CD80: variants seen among roughly 807,000 people sequenced by gnomAD.
CD80 encodes CD80 molecule.
In CD80, 13 loss-of-function variants were observed where a neutral mutation model predicts 27.1. The ratio of observed to expected loss-of-function variants is 0.48; its 90% CI spans 0.31 to 0.76. The LOEUF is 0.76. Ranked by LOEUF, CD80 falls within the 30% of genes least tolerant of loss-of-function variation. The pLI, the probability that CD80 is intolerant of heterozygous loss-of-function variation, is 0.04. For missense variants in CD80, 277 were observed against 347.9 expected (o/e 0.80, Z 1.62); for synonymous variants, 125 against 125.5 (o/e 1.00, Z 0.03).
intron 2 of CD80, among the ~76,000 whole-genome samples, chr3:119,550,439 C>T (rs1255792368): frequency 1.3e-5 from 2 of 152,150 alleles, no homozygotes; most frequent in African/African-American, 2.4e-5. Context: ...AAAAGAGGAA[C>T]CCAAAATCTT....
At chr3:119,553,381 C>G (rs2082244973) in intron 2 of CD80, among the ~76,000 whole-genome samples, 1 of 152,122 alleles carries the variant, frequency 6.6e-6, no homozygotes, top group Admixed American at 6.6e-5. Context: ...CTCAGGTGAT[C>G]CACCCATCTC....
intron 2 of CD80, among the ~76,000 whole-genome samples, chr3:119,551,040 T>C (rs1198375416): frequency 1.3e-5 from 2 of 152,236 alleles, no homozygotes; most frequent in Non-Finnish European, 2.9e-5. Flanking sequence ...TATTTACAGG[T>C]ATATGTGATA....
At chr3:119,525,902 T>TA (rs2082063556) in intron 6 of CD80, among the ~76,000 whole-genome samples, 153 bp from the exon 7 acceptor site, 1 of 148,316 alleles carries the variant, frequency 6.7e-6, no homozygotes, top group African/African-American at 2.4e-5. Context: ...TATATATATA[T>TA]ATTTTAAATA....
chr3:119,547,707 G>A (rs1381619528), intron 2 of CD80, among the ~76,000 whole-genome samples: 2 of 152,146 alleles, frequency 1.3e-5, no homozygotes, highest in Non-Finnish European at 2.9e-5. Flanking sequence ...GTAGAACCGG[G>A]TTGTCACTTC....
At chr3:119,526,230 A>G (rs1268260891) in intron 6 of CD80, among the ~76,000 whole-genome samples, 1 of 152,194 alleles carries the variant, frequency 6.6e-6, no homozygotes, top group Non-Finnish European at 1.5e-5. Context: ...GTACATGAAA[A>G]TCAACCTATG....
chr3:119,551,477 G>A (rs1391380458), intron 2 of CD80, among the ~76,000 whole-genome samples: 1 of 152,108 alleles, frequency 6.6e-6, no homozygotes, highest in Non-Finnish European at 1.5e-5. Flanking sequence ...TATAAAGGAT[G>A]GTTTTGGCCT....
At chr3:119,549,670 C>A (rs1273580998) in intron 2 of CD80, among the ~76,000 whole-genome samples, 1 of 152,168 alleles carries the variant, frequency 6.6e-6, no homozygotes, top group Non-Finnish European at 1.5e-5. Context: ...CAGCACTGAA[C>A]AAGAGAGTTT....
rs199861577 is a variant in CD80 at position 119,544,626 on chromosome 3, G to A, written c.342C>T (p.Tyr114=). 38 of 1,614,164 alleles carry A rather than the reference G, an allele frequency of 2.4e-5. No individual in the cohort carries two copies. The highest frequency in any genetic ancestry group is 5.3e-5 in the African/African-American group (4 of 75,044). Residue 114 remains tyrosine, a synonymous_variant, in exon 3 of 7, where the codon TAC becomes TAT. Coordinates refer to ENST00000264246, the MANE Select transcript of CD80 (RefSeq NM_005191.4). The part of the protein sequence containing the change: ...LALRPSDEGT[Y]ECVVLKYEKD... ...TTTCATACTTCAGAACAACACACTC[G>A]TATGTGCCCTCGTCAGATGGGCGCA...
At chr3:119,556,188 G>A (rs903905741) in intron 2 of CD80, among the ~76,000 whole-genome samples, 3 of 152,160 alleles carry the variant, frequency 2.0e-5, no homozygotes, top group Admixed American at 1.3e-4. Context: ...GTAAAACCAG[G>A]ATGTAGCTAG....
At chr3:119,554,432 C>T (rs958607308) in intron 2 of CD80, among the ~76,000 whole-genome samples, 4 of 152,316 alleles carry the variant, frequency 2.6e-5, no homozygotes, top group Non-Finnish European at 4.4e-5. Flanking sequence ...AAAAGCTGCC[C>T]ACATTGGTCC....
intron 3 of CD80, among the ~76,000 whole-genome samples, chr3:119,538,009 A>G (rs1425404481): frequency 6.6e-6 from 1 of 152,190 alleles, no homozygotes; most frequent in African/African-American, 2.4e-5. Context: ...AGTACTTGCA[A>G]TTGTAAGAGA....
intron 3 of CD80, among the ~76,000 whole-genome samples, chr3:119,541,070 A>T (rs557028802): frequency 6.6e-6 from 1 of 152,162 alleles, no homozygotes; most frequent in Admixed American, 6.5e-5. Context: ...AAAGTTTCAA[A>T]ATCTTTCTTG....
chr3:119,525,988 C>T (rs1473917399), intron 6 of CD80, among the ~76,000 whole-genome samples: 1 of 151,562 alleles, frequency 6.6e-6, no homozygotes, highest in Non-Finnish European at 1.5e-5. Context: ...TACACAGTAA[C>T]CTTGATAGCT....
Position 119,552,929 on chromosome 3 carries a change from A to G in CD80, c.100+4700T>C, listed in dbSNP as rs374514136. ...GCAAATTCATAGAGACAGAGAGTAA[A>G]TTAGTGGTTACGAGGAGATGGGGTA... On this transcript the variant is annotated intron_variant, in intron 2 of 6. Coordinates refer to ENST00000264246, the MANE Select transcript of CD80 (RefSeq NM_005191.4). 7.2e-5 allele frequency among the ~76,000 whole-genome samples: 11 copies of G among 152,180 alleles called. 1 individual carries two copies. The East Asian group carries it at 2.1e-3, about 29-fold the overall frequency.
chr3:119,557,001 G>T (rs936127706), intron 2 of CD80, among the ~76,000 whole-genome samples: 3 of 152,068 alleles, frequency 2.0e-5, no homozygotes, highest in Non-Finnish European at 4.4e-5. Context: ...ATACCTATGT[G>T]GCAGATTAAA....
At chr3:119,540,525 T>C (rs1326033652) in intron 3 of CD80, among the ~76,000 whole-genome samples, 2 of 152,198 alleles carry the variant, frequency 1.3e-5, no homozygotes, top group East Asian at 3.8e-4. Flanking sequence ...GTTGGCATTG[T>C]TATTTCCCAC....
At chr3:119,544,486 C>T in intron 3 of CD80, 64 bp downstream of exon 3, 1 of 1,404,378 alleles carries the variant, frequency 7.1e-7, no homozygotes, top group Non-Finnish European at 9.9e-7. Context: ...AAATCAATAG[C>T]CATGTGTCTT....
In CD80 at chr3:119,557,822, G is replaced by A. The variant is rs1005890885; in HGVS notation, c.-94C>T. The A allele has an allele frequency of 5.6e-6, 4 of 711,994 alleles. No homozygotes were observed. The African/African-American group carries it at 7.2e-5, about 13-fold the overall frequency. 44.1% of individuals were successfully genotyped at this position (711,994 alleles called of 1,614,324 possible). On this transcript the variant is annotated 5_prime_UTR_variant, in exon 2 of 7. Transcript: ENST00000264246. Reference sequence around the variant, plus strand: ...CAGGTGCAAAACAGGCAGGGCTGATGACAATCCAATTGCTCACGTAGAAGA... The same window carrying A: ...CAGGTGCAAAACAGGCAGGGCTGATAACAATCCAATTGCTCACGTAGAAGA...
At chr3:119,548,519 C>T (rs144984703) in intron 2 of CD80, among the ~76,000 whole-genome samples, 2 of 152,282 alleles carry the variant, frequency 1.3e-5, no homozygotes, top group African/African-American at 4.8e-5. Context: ...AAGGGACTTC[C>T]ATGATCATTC....
Sources: allele counts gnomAD v4.1 joint callset (sites outside exome capture counted in the v4.1 genomes callset), GRCh38; gene constraint gnomAD v4.1.1; transcripts MANE v1.5; gene names NCBI Gene and HGNC (gene_info 2026-07-23, HGNC 2026-07-21).